ARHGEF28: variants seen among roughly 807,000 people sequenced by gnomAD.
The protein encoded by ARHGEF28 is Rho guanine nucleotide exchange factor 28.
In ARHGEF28, 152 loss-of-function variants were observed where a neutral mutation model predicts 206.6. The observed-to-expected ratio is 0.74, with a 90% CI of 0.64 to 0.84. The LOEUF (loss-of-function observed/expected upper bound fraction) is 0.84, where lower values mean the gene tolerates loss of function less well. ARHGEF28 is among the 40% of genes least tolerant of loss of function. The pLI is 0.00. For synonymous variants in ARHGEF28, 763 were observed against 776.4 expected (o/e 0.98, Z 0.29); for missense variants, 2,028 against 2,073.2 (o/e 0.98, Z 0.42).
rs111662474 is a variant in ARHGEF28 at position 73,916,034 on chromosome 5, G to A, written c.4948+4459G>A. ...AAGGAAACTATTTTCAAAATTCAAA[G>A]CATTGTATTTAGAATACCTCATCTT... is the stretch of plus-strand genomic sequence containing the variant. On this transcript the variant is annotated intron_variant, in intron 35 of 35. Coordinates refer to ENST00000513042, the MANE Select transcript of ARHGEF28 (RefSeq NM_001177693.2). Among the ~76,000 whole-genome samples, 871 of 152,160 alleles carry A rather than the reference G, an allele frequency of 5.7e-3. 13 individuals are homozygous for A. Among genetic ancestry groups the A allele is most frequent in the African/African-American group, 0.019 (804 of 41,528 alleles).
chr5:73,879,838 G>C (rs1253944712), intron 22 of ARHGEF28, among the ~76,000 whole-genome samples: 1 of 151,586 alleles, frequency 6.6e-6, no homozygotes, highest in Non-Finnish European at 1.5e-5. Context: ...TGCCCCTACT[G>C]GGGGGTGCCT....
At chr5:73,864,912 T>G in intron 17 of ARHGEF28, 40 bp downstream of exon 17, 1 of 1,572,106 alleles carries the variant, frequency 6.4e-7, no homozygotes, top group South Asian at 1.1e-5. Flanking sequence ...TGTGGCATGG[T>G]TGCTTCATAG....
chr5:73,645,867 C>G (rs535934739), intron 1 of ARHGEF28, among the ~76,000 whole-genome samples: 3 of 151,930 alleles, frequency 2.0e-5, no homozygotes, highest in African/African-American at 7.3e-5. Context: ...TTTCCCCCCT[C>G]CTCCCCTTCC....
intron 30 of ARHGEF28, chr5:73,900,475 G>C (rs796622385): frequency 2.4e-4 from 37 of 152,270 alleles, no homozygotes; most frequent in African/African-American, 8.7e-4. Context: ...AGTGAAATCT[G>C]TATTTGGTAC....
intron 7 of ARHGEF28, among the ~76,000 whole-genome samples, chr5:73,792,306 T>G (rs910156413): frequency 1.3e-5 from 2 of 152,194 alleles, no homozygotes; most frequent in East Asian, 3.8e-4. Context: ...CATGGCAAGC[T>G]ATAAAAACTA....
intron 13 of ARHGEF28, among the ~76,000 whole-genome samples, chr5:73,851,604 A>G (rs1758709405): frequency 6.6e-6 from 1 of 152,210 alleles, no homozygotes; most frequent in Non-Finnish European, 1.5e-5. Context: ...AATTTGAGGA[A>G]TGACGTAAAC....
intron 2 of ARHGEF28, among the ~76,000 whole-genome samples, chr5:73,690,807 C>T (rs549248009): frequency 1.8e-4 from 28 of 152,122 alleles, no homozygotes; most frequent in Middle Eastern, 3.4e-3. Flanking sequence ...TTGTTGGTTC[C>T]GAAGATTTTT....
chr5:73,656,149 T>C (rs1745184001), intron 1 of ARHGEF28, among the ~76,000 whole-genome samples: 1 of 152,184 alleles, frequency 6.6e-6, no homozygotes, highest in Admixed American at 6.5e-5. Context: ...GATTTCAACA[T>C]CCTTAAGGGC....
At chr5:73,926,877 C>T (rs550851541) in intron 35 of ARHGEF28, among the ~76,000 whole-genome samples, 1 of 152,294 alleles carries the variant, frequency 6.6e-6, no homozygotes, top group East Asian at 1.9e-4. Flanking sequence ...ATGTAGTGGC[C>T]CTCAGCAGTC....
chr5:73,849,445 A>G (rs963411132), intron 13 of ARHGEF28, among the ~76,000 whole-genome samples: 1 of 152,104 alleles, frequency 6.6e-6, no homozygotes, highest in African/African-American at 2.4e-5. Flanking sequence ...TTTGTCTCAT[A>G]TATACATTGC....
intron 2 of ARHGEF28, among the ~76,000 whole-genome samples, chr5:73,688,735 C>A (rs530365642): frequency 2.0e-3 from 303 of 152,276 alleles, no homozygotes; most frequent in African/African-American, 6.8e-3. Context: ...TGGCTCACTG[C>A]AACCTCAGCC....
chr5:73,932,656 A>T (rs1764187368), intron 35 of ARHGEF28, among the ~76,000 whole-genome samples: 2 of 151,952 alleles, frequency 1.3e-5, no homozygotes, highest in South Asian at 4.1e-4. Flanking sequence ...ATTTCTCATG[A>T]CTCTAATTAT....
chr5:73,628,094 T>C (rs1743120602), intron 1 of ARHGEF28, among the ~76,000 whole-genome samples: 1 of 152,052 alleles, frequency 6.6e-6, no homozygotes, highest in African/African-American at 2.4e-5. Context: ...TTTCATACTT[T>C]TTTTTTTTAA....
At chr5:73,742,674 C>A (rs6867360) in intron 2 of ARHGEF28, among the ~76,000 whole-genome samples, 12,944 of 149,556 alleles carry the variant, frequency 0.087, 1,756 homozygotes, top group African/African-American at 0.29. Flanking sequence ...AATACAAAAA[C>A]TTAGCCGGGC....
At chr5:73,839,501 G>A (rs1413312827) in intron 10 of ARHGEF28, among the ~76,000 whole-genome samples, 1 of 152,000 alleles carries the variant, frequency 6.6e-6, no homozygotes, top group Non-Finnish European at 1.5e-5. Context: ...TTTGATGACC[G>A]CCACCTCAAA....
intron 1 of ARHGEF28, 37 bp from the exon 2 acceptor site, chr5:73,684,804 C>G: frequency 6.3e-7 from 1 of 1,594,930 alleles, no homozygotes. Context: ...ATGGGGCCTC[C>G]TGCAATAACT....
chr5:73,689,956 G>T (rs1747711630), intron 2 of ARHGEF28, among the ~76,000 whole-genome samples: 1 of 152,166 alleles, frequency 6.6e-6, no homozygotes. Context: ...GGAACCTAAG[G>T]TGTTTATTTT....
intron 4 of ARHGEF28, among the ~76,000 whole-genome samples, chr5:73,771,570 T>A (rs946069820): frequency 2.6e-5 from 4 of 151,576 alleles, no homozygotes; most frequent in African/African-American, 9.7e-5. Context: ...GGAGAGAAAT[T>A]CCATCTTAGT....
intron 1 of ARHGEF28, among the ~76,000 whole-genome samples, chr5:73,655,517 A>C (rs1384688016): frequency 6.6e-6 from 1 of 152,240 alleles, no homozygotes; most frequent in Non-Finnish European, 1.5e-5. Flanking sequence ...GAAGAGGGTT[A>C]AAATTGCTCT....
Sources: allele counts gnomAD v4.1 joint callset (sites outside exome capture counted in the v4.1 genomes callset), GRCh38; gene constraint gnomAD v4.1.1; transcripts MANE v1.5; gene names NCBI Gene and HGNC (gene_info 2026-07-23, HGNC 2026-07-21).